The following IQCJ variants were observed in gnomAD, a reference collection of about 807,000 sequenced individuals.
The protein encoded by IQCJ is IQ motif containing J.
In IQCJ, 9 loss-of-function variants were observed where a neutral mutation model predicts 11.0. The ratio of observed to expected loss-of-function variants is 0.82; its 90% CI spans 0.49 to 1.43. The LOEUF is 1.43. Among genes scored for constraint, IQCJ ranks in the 40% most tolerant of loss-of-function variants. The pLI is 0.00. For missense variants in IQCJ, 146 were observed against 133.2 expected (o/e 1.10, Z -0.47); for synonymous variants, 55 against 51.3 (o/e 1.07, Z -0.31).
At chr3:159,241,603 C>T (rs1229236468) in intron 1 of IQCJ, among the ~76,000 whole-genome samples, 2 of 152,168 alleles carry the variant, frequency 1.3e-5, no homozygotes, top group East Asian at 1.9e-4. Flanking sequence ...GTACCTGTCA[C>T]AGATGCAAAT....
intron 1 of IQCJ, among the ~76,000 whole-genome samples, chr3:159,086,042 G>T (rs569363880): frequency 1.3e-5 from 2 of 152,188 alleles, no homozygotes; most frequent in Non-Finnish European, 2.9e-5. Context: ...GGGTTTTTAT[G>T]GTTTTAGATC....
chr3:159,070,480 G>T (rs1014462689), intron 1 of IQCJ, among the ~76,000 whole-genome samples: 5 of 152,066 alleles, frequency 3.3e-5, no homozygotes, highest in African/African-American at 1.2e-4. Context: ...TGAAAAATGT[G>T]TATGTATATT....
At chr3:159,200,104 A>AATATATATATAGATATATATATAT (rs1724235487) in intron 1 of IQCJ, among the ~76,000 whole-genome samples, 1 of 116,956 alleles carries the variant, frequency 8.6e-6, no homozygotes, top group African/African-American at 3.8e-5. Context: ...TTTATACATA[A>AATATATATATAGATATATATATAT]ATATATATAT....
At chr3:159,183,533 G>A (rs1005188745) in intron 1 of IQCJ, among the ~76,000 whole-genome samples, 5 of 152,064 alleles carry the variant, frequency 3.3e-5, no homozygotes, top group Non-Finnish European at 7.4e-5. Flanking sequence ...ACCTCTCTTA[G>A]CTCCAGACTC....
chr3:159,170,429 T>C (rs1722425160), intron 1 of IQCJ, among the ~76,000 whole-genome samples: 1 of 152,198 alleles, frequency 6.6e-6, no homozygotes, highest in African/African-American at 2.4e-5. Context: ...TGAAGATTTG[T>C]CTAATTGGGG....
intron 1 of IQCJ, among the ~76,000 whole-genome samples, chr3:159,237,224 G>A (rs1264544947): frequency 2.0e-5 from 3 of 152,192 alleles, no homozygotes; most frequent in African/African-American, 4.8e-5. Context: ...TTTTAAACCT[G>A]TCCAAAGAAC....
intron 1 of IQCJ, among the ~76,000 whole-genome samples, chr3:159,207,590 T>C (rs1724723107): frequency 1.3e-5 from 2 of 152,268 alleles, no homozygotes; most frequent in East Asian, 3.9e-4. Flanking sequence ...GCAGCTCTGG[T>C]GTCGTGGGGG....
intron 1 of IQCJ, among the ~76,000 whole-genome samples, chr3:159,193,854 C>A (rs1054686854): frequency 1.3e-5 from 2 of 152,192 alleles, no homozygotes; most frequent in African/African-American, 4.8e-5. Context: ...CTCATGATGT[C>A]TGGCTTATGT....
downstream of IQCJ, among the ~76,000 whole-genome samples, chr3:159,264,591 G>A (rs1301113463): frequency 6.6e-6 from 1 of 152,158 alleles, no homozygotes; most frequent in Non-Finnish European, 1.5e-5. Context: ...GAGGATGACT[G>A]TATTCAGTGA....
intron 1 of IQCJ, among the ~76,000 whole-genome samples, chr3:159,163,258 C>A (rs912268170): frequency 6.6e-6 from 1 of 152,166 alleles, no homozygotes; most frequent in Non-Finnish European, 1.5e-5. Context: ...GGGATGCAAG[C>A]CTGGTTCAAT....
At chr3:159,121,718 C>A (rs557509627) in intron 1 of IQCJ, among the ~76,000 whole-genome samples, 1 of 152,062 alleles carries the variant, frequency 6.6e-6, no homozygotes, top group African/African-American at 2.4e-5. Flanking sequence ...AACACATTTT[C>A]GAAGTAAACA....
intron 1 of IQCJ, among the ~76,000 whole-genome samples, chr3:159,083,421 G>A (rs1398459243): frequency 6.6e-6 from 1 of 152,124 alleles, no homozygotes; most frequent in Non-Finnish European, 1.5e-5. Context: ...ATATCACTAT[G>A]TATCAAATCA....
At chr3:159,089,689 C>A (rs573194271) in intron 1 of IQCJ, among the ~76,000 whole-genome samples, 2 of 151,864 alleles carry the variant, frequency 1.3e-5, no homozygotes, top group South Asian at 2.1e-4. Context: ...ATTGCTGATA[C>A]CCTTTCTTCC....
chr3:159,197,955 A>G (rs1724087664), intron 1 of IQCJ, among the ~76,000 whole-genome samples: 2 of 152,182 alleles, frequency 1.3e-5, no homozygotes, highest in Admixed American at 1.3e-4. Flanking sequence ...AACCATGCCC[A>G]TGGGCTGATG....
intron 1 of IQCJ, among the ~76,000 whole-genome samples, chr3:159,212,740 G>T (rs1015459037): frequency 2.6e-5 from 4 of 152,174 alleles, no homozygotes; most frequent in African/African-American, 9.6e-5. Context: ...ATGAATGCTG[G>T]CAATTCATCT....
At chr3:159,246,748 G>A (rs755780510) in intron 2 of IQCJ, among the ~76,000 whole-genome samples, 13 of 152,180 alleles carry the variant, frequency 8.5e-5, no homozygotes, top group African/African-American at 1.4e-4. Context: ...TGTGTAGCTT[G>A]GAGAAAAGAA....
At chr3:159,217,929 C>A (rs1437916401) in intron 1 of IQCJ, among the ~76,000 whole-genome samples, 3 of 152,062 alleles carry the variant, frequency 2.0e-5, no homozygotes, top group Non-Finnish European at 4.4e-5. Context: ...GAATCTCCCA[C>A]TAGAAAGAAA....
At chr3:159,146,242 A>G (rs1720920184) in intron 1 of IQCJ, among the ~76,000 whole-genome samples, 1 of 152,148 alleles carries the variant, frequency 6.6e-6, no homozygotes. Flanking sequence ...GATGTGGCAA[A>G]TTGATGCCAT....
At chr3:159,215,047 G>A (rs549523234) in intron 1 of IQCJ, among the ~76,000 whole-genome samples, 36 of 152,252 alleles carry the variant, frequency 2.4e-4, no homozygotes, top group Admixed American at 2.0e-3. Flanking sequence ...AGTAAAGACA[G>A]GTGAACAAGA....
Sources: allele counts gnomAD v4.1 joint callset (sites outside exome capture counted in the v4.1 genomes callset), GRCh38; gene constraint gnomAD v4.1.1; transcripts MANE v1.5; gene names NCBI Gene and HGNC (gene_info 2026-07-23, HGNC 2026-07-21).